The following COL22A1 variants were observed in gnomAD, a reference collection of about 807,000 sequenced individuals.
COL22A1 encodes the protein collagen type XXII alpha 1 chain, also known as collagen alpha-1(XXII) chain.
Under a neutral mutation model 248.9 loss-of-function variants are expected in COL22A1, and 221 were observed. That is an observed-to-expected ratio of 0.89 (90% CI 0.80 to 0.99). COL22A1 has a LOEUF of 0.99. Among genes scored for constraint, COL22A1 ranks in the 50% least tolerant of loss-of-function variants. The pLI is 0.00. For synonymous variants in COL22A1, 891 were observed against 793.4 expected (o/e 1.12, Z -2.07); for missense variants, 2,240 against 2,179.0 (o/e 1.03, Z -0.56).
chr8:138,637,905 C>T (rs1239561189), intron 47 of COL22A1, among the ~76,000 whole-genome samples: 6 of 152,106 alleles, frequency 3.9e-5, no homozygotes, highest in Admixed American at 3.9e-4. Flanking sequence ...TAATCATGAT[C>T]ACCATCAACA....
intron 26 of COL22A1, 74 bp downstream of exon 26, chr8:138,721,962 A>G: frequency 8.7e-7 from 1 of 1,152,450 alleles, no homozygotes; most frequent in Non-Finnish European, 1.3e-6. Context: ...TGTAGAATTC[A>G]CCAACAATCA....
chr8:138,755,857 A>G (rs1449696520), intron 18 of COL22A1, 28 bp from the exon 19 acceptor site: 2 of 1,609,368 alleles, frequency 1.2e-6, no homozygotes, highest in East Asian at 2.2e-5. Context: ...ACATTTCAGC[A>G]TAGTTACTGG....
At chr8:138,720,824 G>A in intron 26 of COL22A1, 32 bp from the exon 27 acceptor site, 1 of 1,536,090 alleles carries the variant, frequency 6.5e-7, no homozygotes, top group Non-Finnish European at 9.0e-7. Flanking sequence ...GTTAACAGGA[G>A]ACGGGCCATG....
At chr8:138,842,749 A>G (rs145322517) in intron 4 of COL22A1, among the ~76,000 whole-genome samples, 1 of 152,368 alleles carries the variant, frequency 6.6e-6, no homozygotes, top group Non-Finnish European at 1.5e-5. Context: ...TTAGGTTAAC[A>G]AAGTGAAGAA....
At chr8:138,670,044 A>T (rs1824877936) in intron 41 of COL22A1, among the ~76,000 whole-genome samples, 1 of 151,556 alleles carries the variant, frequency 6.6e-6, no homozygotes, top group South Asian at 2.1e-4. Flanking sequence ...CCACCACCAC[A>T]CCCAGCTAAT....
At chr8:138,900,970 G>T (rs959497517) in intron 1 of COL22A1, among the ~76,000 whole-genome samples, 3 of 152,150 alleles carry the variant, frequency 2.0e-5, no homozygotes, top group Non-Finnish European at 4.4e-5. Context: ...TCTGTAAAAG[G>T]AAAGACTCCT....
chr8:138,628,837 C>T (rs533910194), intron 50 of COL22A1, among the ~76,000 whole-genome samples: 1 of 142,876 alleles, frequency 7.0e-6, no homozygotes, highest in Non-Finnish European at 1.5e-5. Context: ...GCAATCTCGG[C>T]TTACTGCAAT....
chr8:138,663,230 G>A (rs917258099), intron 42 of COL22A1, among the ~76,000 whole-genome samples: 12 of 152,166 alleles, frequency 7.9e-5, no homozygotes, highest in Admixed American at 7.9e-4. Flanking sequence ...TCCTAAGAAT[G>A]AAGGCTGACT....
At chr8:138,596,443 G>A (rs1006397195) in intron 62 of COL22A1, among the ~76,000 whole-genome samples, 2 of 152,172 alleles carry the variant, frequency 1.3e-5, no homozygotes, top group African/African-American at 4.8e-5. Context: ...ACTATCTTAG[G>A]TATGTTCATC....
intron 23 of COL22A1, among the ~76,000 whole-genome samples, chr8:138,733,547 A>T (rs1411516836): frequency 6.6e-6 from 1 of 152,238 alleles, no homozygotes; most frequent in Non-Finnish European, 1.5e-5. Context: ...GCTAAAGAGA[A>T]TGCTTGGCAA....
rs752632001 is a variant in COL22A1, at chr8:138,694,800, G to A, written c.2646+26C>T. On this transcript the variant is annotated intron_variant, in intron 33 of 64. Coordinates refer to ENST00000303045, the MANE Select transcript of COL22A1 (RefSeq NM_152888.3). ...CGGGTCTCCAGGTAACCAGCCCTGC[G>A]GGGGAAGGGGACACAAGAGACTCAC... 161 of 1,608,246 alleles carry A rather than the reference G, an allele frequency of 1.0e-4. 1 individual carries two copies. The East Asian group carries it at 2.8e-3, about 28-fold the overall frequency.
intron 3 of COL22A1, among the ~76,000 whole-genome samples, chr8:138,868,452 A>G (rs1048778629): frequency 6.6e-6 from 1 of 152,226 alleles, no homozygotes; most frequent in Admixed American, 6.5e-5. Flanking sequence ...GAAGGGGGAT[A>G]GTTAGGAAAC....
At chr8:138,617,014 T>C in intron 53 of COL22A1, 56 bp from the exon 54 acceptor site, 1 of 1,595,096 alleles carries the variant, frequency 6.3e-7, no homozygotes, top group Non-Finnish European at 8.6e-7. Flanking sequence ...GGGGCAGAAG[T>C]GGGCAGGCAT....
chr8:138,856,747 T>C (rs1822055978), intron 3 of COL22A1, among the ~76,000 whole-genome samples: 2 of 152,122 alleles, frequency 1.3e-5, no homozygotes. Context: ...GGAGCTTTTG[T>C]GTGGGCGGCC....
chr8:138,760,414 CT>C, intron 17 of COL22A1, 127 bp from the exon 18 acceptor site: 1 of 796,134 alleles, frequency 1.3e-6, no homozygotes, highest in Non-Finnish European at 1.9e-6. Context: ...GCCAAAGTCC[CT>C]TTAGACCTGA....
chr8:138,746,638 G>C (rs1832136711), intron 22 of COL22A1, among the ~76,000 whole-genome samples: 1 of 152,216 alleles, frequency 6.6e-6, no homozygotes, highest in Admixed American at 6.5e-5. Context: ...ACTAGAGGAA[G>C]CAAGACAAGC....
intron 47 of COL22A1, among the ~76,000 whole-genome samples, chr8:138,645,132 T>A (rs1435713912): frequency 6.6e-6 from 1 of 152,210 alleles, no homozygotes; most frequent in East Asian, 1.9e-4. Context: ...ATCCTCAAAC[T>A]GACGCTTTGC....
At chr8:138,668,013 T>A (rs1016720051) in intron 41 of COL22A1, among the ~76,000 whole-genome samples, 65 of 149,030 alleles carry the variant, frequency 4.4e-4, no homozygotes, top group African/African-American at 1.4e-3. Context: ...AAAAAAAAAA[T>A]TTGAAACATC....
At chr8:138,738,164 T>C (rs908788396) in intron 22 of COL22A1, among the ~76,000 whole-genome samples, 1 of 152,178 alleles carries the variant, frequency 6.6e-6, no homozygotes, top group African/African-American at 2.4e-5. Flanking sequence ...AAATGAGGCA[T>C]GATGCATTGA....
Sources: gnomAD v4.1 joint callset for allele counts (sites outside exome capture counted in the v4.1 genomes callset) on GRCh38, gnomAD v4.1.1 for gene constraint, MANE v1.5 for transcripts, NCBI Gene and HGNC (gene_info 2026-07-23, HGNC 2026-07-21) for gene names.